Variants in CPQ observed in about 807,000 individuals in gnomAD.
CPQ encodes carboxypeptidase Q.
A neutral mutation model predicts 45.7 loss-of-function variants in CPQ; 37 were observed. The observed-to-expected ratio is 0.81, with a 90% CI of 0.62 to 1.07. The LOEUF (loss-of-function observed/expected upper bound fraction) is 1.07. Among genes scored for constraint, CPQ ranks in the 50% least tolerant of loss-of-function variants. CPQ has a pLI of 0.00. For synonymous variants in CPQ, 186 were observed against 205.8 expected (o/e 0.90, Z 0.82); for missense variants, 537 against 572.9 (o/e 0.94, Z 0.64).
intron 4 of CPQ, among the ~76,000 whole-genome samples, chr8:96,941,254 G>A (rs1813120231): frequency 6.6e-6 from 1 of 152,130 alleles, no homozygotes; most frequent in Non-Finnish European, 1.5e-5. Flanking sequence ...GGGTAGGGGA[G>A]AACTGCTTTT....
chr8:96,943,977 A>G (rs1200715029), intron 4 of CPQ, among the ~76,000 whole-genome samples: 1 of 152,180 alleles, frequency 6.6e-6, no homozygotes, highest in African/African-American at 2.4e-5. Flanking sequence ...TTTAACCCAC[A>G]TTGATCATAA....
intron 3 of CPQ, among the ~76,000 whole-genome samples, chr8:96,861,777 A>C (rs1456325542): frequency 6.6e-6 from 1 of 152,156 alleles, no homozygotes; most frequent in Non-Finnish European, 1.5e-5. Flanking sequence ...GAGAATGAGA[A>C]GCCTAGAGAG....
rs1406236781 is a variant in CPQ at position 96,785,129 on chromosome 8, C to T, written c.232C>T (p.Leu78=). Residue 78 remains leucine (L), a synonymous_variant, in exon 2 of 8, where the codon CTG becomes TTG. Coordinates refer to ENST00000220763, the MANE Select transcript of CPQ (RefSeq NM_016134.4). ...TCTGGTTGATACTGTTGGACCCAGA[C>T]TGAGTGGCTCCAAGAACCTAGAAAA... is the stretch of plus-strand genomic sequence containing the variant. ...ALLVDTVGPR[L]SGSKNLEKAI... 4 of 1,613,702 alleles carry T rather than the reference C, an allele frequency of 2.5e-6. No homozygotes were observed. The East Asian group carries it at 6.7e-5, about 27-fold the overall frequency.
At chr8:97,077,528 C>T (rs1810869873) in intron 7 of CPQ, among the ~76,000 whole-genome samples, 1 of 152,126 alleles carries the variant, frequency 6.6e-6, no homozygotes, top group African/African-American at 2.4e-5. Flanking sequence ...CTCTCATCTG[C>T]AAAGGGAGCC....
In CPQ at chr8:96,945,076, T is replaced by C. The variant is rs531525841; in HGVS notation, c.850-20859T>C. Among the ~76,000 whole-genome samples, 11 of 152,240 alleles carry C rather than the reference T, an allele frequency of 7.2e-5. No homozygotes were observed. The East Asian group carries it at 2.1e-3, about 29-fold the overall frequency. ...CTCGTGGAAAAGCTTATATCTCCTATGTCCAGTGTCAGCCCCCTAGGAAGA... is the reference window on the plus strand; with the variant it reads ...CTCGTGGAAAAGCTTATATCTCCTACGTCCAGTGTCAGCCCCCTAGGAAGA... On this transcript the variant is annotated intron_variant, in intron 4 of 7. Coordinates refer to ENST00000220763, the MANE Select transcript of CPQ (RefSeq NM_016134.4).
intron 7 of CPQ, among the ~76,000 whole-genome samples, chr8:97,128,291 T>C (rs1811879802): frequency 6.6e-6 from 1 of 152,204 alleles, no homozygotes; most frequent in South Asian, 2.1e-4. Context: ...GCTCTAACTT[T>C]GGATCTCATG....
chr8:96,859,218 G>A (rs1811895963), intron 3 of CPQ, among the ~76,000 whole-genome samples: 2 of 152,196 alleles, frequency 1.3e-5, no homozygotes, highest in Admixed American at 6.5e-5. Context: ...TATTTCAGAA[G>A]CATGGCCCTC....
chr8:97,035,950 G>A (rs981716952), intron 6 of CPQ, among the ~76,000 whole-genome samples: 14 of 151,934 alleles, frequency 9.2e-5, no homozygotes, highest in Admixed American at 2.0e-4. Flanking sequence ...CTCATGATCC[G>A]CCCACCACGG....
intron 1 of CPQ, among the ~76,000 whole-genome samples, chr8:96,648,043 AG>A (rs1815537186): frequency 6.6e-6 from 1 of 152,196 alleles, no homozygotes; most frequent in South Asian, 2.1e-4. Flanking sequence ...TGTAATCCAG[AG>A]ACAAGAATGC....
At chr8:96,730,588 G>C (rs1809898772) in intron 1 of CPQ, among the ~76,000 whole-genome samples, 1 of 151,836 alleles carries the variant, frequency 6.6e-6, no homozygotes, top group Non-Finnish European at 1.5e-5. Context: ...GTTGTCAGTG[G>C]GCCTATAAAA....
At chr8:97,097,820 G>A (rs1419256719) in intron 7 of CPQ, among the ~76,000 whole-genome samples, 1 of 152,084 alleles carries the variant, frequency 6.6e-6, no homozygotes, top group Non-Finnish European at 1.5e-5. Flanking sequence ...GAGAGAGAGA[G>A]AGAAAGAAAG....
chr8:96,713,846 A>T (rs1809644030), intron 1 of CPQ, among the ~76,000 whole-genome samples: 1 of 152,004 alleles, frequency 6.6e-6, no homozygotes, highest in Non-Finnish European at 1.5e-5. Flanking sequence ...GTAGTGACAA[A>T]CTCCTTCAGA....
At chr8:97,112,758 A>G (rs1301025589) in intron 7 of CPQ, among the ~76,000 whole-genome samples, 1 of 152,168 alleles carries the variant, frequency 6.6e-6, no homozygotes, top group African/African-American at 2.4e-5. Context: ...AGACATGACA[A>G]TGGCTTCCAT....
intron 1 of CPQ, among the ~76,000 whole-genome samples, chr8:96,661,559 G>A (rs145165140): frequency 9.2e-4 from 140 of 152,094 alleles, no homozygotes; most frequent in African/African-American, 2.7e-3. Context: ...TTTCAGATTC[G>A]CTTCTTTCAC....
intron 1 of CPQ, among the ~76,000 whole-genome samples, chr8:96,730,464 C>T (rs1809895134): frequency 6.6e-6 from 1 of 152,044 alleles, no homozygotes; most frequent in Non-Finnish European, 1.5e-5. Context: ...AAGCTGATGA[C>T]AGGCATTCAG....
At chr8:96,909,229 A>G (rs1180037381) in intron 4 of CPQ, among the ~76,000 whole-genome samples, 1 of 151,876 alleles carries the variant, frequency 6.6e-6, no homozygotes, top group Non-Finnish European at 1.5e-5. Context: ...TAAACCTCTG[A>G]TATCATATGC....
At chr8:97,045,409 G>T (rs1029819592) in intron 6 of CPQ, among the ~76,000 whole-genome samples, 1 of 152,152 alleles carries the variant, frequency 6.6e-6, no homozygotes. Flanking sequence ...CTTTGACTAG[G>T]AAAGGGAACT....
rs183168516 is a variant in CPQ, at chr8:96,959,074, C to G, written c.850-6861C>G. Among the ~76,000 whole-genome samples, 46 of 152,266 alleles carry G rather than the reference C, an allele frequency of 3.0e-4. No individual in the cohort carries two copies. The East Asian group carries it at 7.0e-3, about 23-fold the overall frequency. On this transcript the variant is annotated intron_variant, in intron 4 of 7. Transcript: ENST00000220763. The stretch of plus-strand genomic sequence containing the variant: ...AGGAAAATATTTGTTCAAACATAGT[C>G]CCTTTTGTCTGTGCTGGGCAATAGC...
chr8:97,036,557 C>A (rs1402565099), intron 6 of CPQ, among the ~76,000 whole-genome samples: 1 of 152,076 alleles, frequency 6.6e-6, no homozygotes, highest in Non-Finnish European at 1.5e-5. Flanking sequence ...GAGGGTTGTC[C>A]AGGTACCATT....
Sources: gnomAD v4.1 joint callset for allele counts (sites outside exome capture counted in the v4.1 genomes callset) on GRCh38, gnomAD v4.1.1 for gene constraint, MANE v1.5 for transcripts, NCBI Gene and HGNC (gene_info 2026-07-23, HGNC 2026-07-21) for gene names.